Variants in EPB41 observed in about 807,000 individuals in gnomAD.
EPB41 encodes the protein protein 4.1.
A neutral mutation model predicts 108.0 loss-of-function variants in EPB41; 65 were observed. The ratio of observed to expected loss-of-function variants is 0.60; its 90% CI spans 0.49 to 0.74. The LOEUF (loss-of-function observed/expected upper bound fraction) is 0.74. EPB41 is among the 30% of genes least tolerant of loss of function. The pLI is 0.00. For missense variants in EPB41, 875 were observed against 1,037.0 expected (o/e 0.84, Z 2.15); for synonymous variants, 336 against 358.9 (o/e 0.94, Z 0.72).
intron 16 of EPB41, among the ~76,000 whole-genome samples, chr1:29,093,187 C>G (rs1338420502): frequency 6.6e-6 from 1 of 152,194 alleles, no homozygotes; most frequent in African/African-American, 2.4e-5. Flanking sequence ...TAAGCATTCC[C>G]TTTTCTCTGC....
At chr1:28,998,874 C>T (rs1282280502) in intron 4 of EPB41, among the ~76,000 whole-genome samples, 1 of 152,162 alleles carries the variant, frequency 6.6e-6, no homozygotes, top group African/African-American at 2.4e-5. Flanking sequence ...GATCATTTCA[C>T]ATTGTATTAA....
At chr1:29,006,385 C>T (rs2096402156) in intron 4 of EPB41, among the ~76,000 whole-genome samples, 3 of 151,750 alleles carry the variant, frequency 2.0e-5, no homozygotes, top group Admixed American at 6.6e-5. Flanking sequence ...TACAGGCGCC[C>T]GCCACCCAGC....
chr1:29,018,578 G>C lies in EPB41; in HGVS notation c.1124+136G>C. ...TCAGTTTCCTCCACTGTTTGACTTT[G>C]GGCAGGTTACTTAACCTCTCTTAAT... On this transcript the variant is annotated intron_variant, in intron 7 of 20. Transcript: ENST00000343067. The surrounding 1 kb of genome is among the most constrained non-coding windows in gnomAD (Gnocchi z 4.4). 1.1e-6 allele frequency: 1 copy of C among 913,080 alleles called. No individual in the cohort carries two copies. Among genetic ancestry groups the C allele is most frequent in the Non-Finnish European group, 1.8e-6 (1 of 568,098 alleles). The allele number at this position is 913,080 out of a possible 1,614,324, so 56.6% of individuals were successfully genotyped here. A position where few individuals can be genotyped will look rare whatever the true frequency, so the allele number is the denominator to read the frequency against.
chr1:28,915,038 C>T (rs1489801764), intron 1 of EPB41, among the ~76,000 whole-genome samples: 2 of 123,588 alleles, frequency 1.6e-5, no homozygotes, highest in Non-Finnish European at 3.5e-5. Flanking sequence ...GAAAGTTAGG[C>T]TTGAGATGTA....
rs1381653295 is a variant in EPB41 at position 29,063,496 on chromosome 1, ATTC to A, written c.2008-1480_2008-1478del. On this transcript the variant is annotated intron_variant, in intron 15 of 20. Coordinates refer to ENST00000343067, the MANE Select transcript of EPB41 (RefSeq NM_001376013.1). ...CAGAATCAAAATCGTCTCACTGATT[ATTC>A]TTCTTATGCTGTTTTCCCTTTGACA... 5.3e-5 allele frequency among the ~76,000 whole-genome samples: 8 copies of A among 152,348 alleles called. No individual in the cohort carries two copies. In the East Asian group the frequency reaches 1.2e-3, roughly 22 times the overall value.
intron 1 of EPB41, among the ~76,000 whole-genome samples, chr1:28,895,905 C>A (rs1054304170): frequency 1.3e-5 from 2 of 152,130 alleles, no homozygotes; most frequent in Non-Finnish European, 2.9e-5. Flanking sequence ...GAGCTACTGA[C>A]GTGTTTGTCG....
intron 12 of EPB41, among the ~76,000 whole-genome samples, chr1:29,054,988 A>G (rs1437010027): frequency 6.6e-6 from 1 of 152,248 alleles, no homozygotes; most frequent in Non-Finnish European, 1.5e-5. Context: ...CAGTGAGCCC[A>G]GATCACACCA....
rs369739885 is a variant in EPB41, at chr1:29,018,483, G to A, written c.1124+41G>A. The A allele has an allele frequency of 1.7e-5, 25 of 1,490,592 alleles. No homozygotes were observed. The highest frequency in any genetic ancestry group is 9.8e-5 in the African/African-American group (4 of 40,930). 92.3% of individuals were successfully genotyped at this position (1,490,592 alleles called of 1,614,324 possible). A position where few individuals can be genotyped will look rare whatever the true frequency, so the allele number is the denominator to read the frequency against. ...GGGTTTGTTCGGTGTTTGTTTTGGC[G>A]ATTAGTTTAAACACAACATGGTATT... On this transcript the variant is annotated intron_variant, in intron 7 of 20. Transcript: ENST00000343067. This position sits in a 1 kb window ranked among gnomAD's most constrained non-coding sequence, Gnocchi z 4.4.
At chr1:29,080,136 T>TTTATTTATTTA (rs1655910982) in intron 16 of EPB41, among the ~76,000 whole-genome samples, 1 of 75,876 alleles carries the variant, frequency 1.3e-5, no homozygotes, top group Admixed American at 1.7e-4. Context: ...TTATTTATTT[T>TTTATTTATTTA]GAGACGGACC....
In EPB41 at chr1:28,887,244, TC is replaced by T; in HGVS notation, c.-8+38del. 1 of 1,278,214 alleles carries T rather than the reference TC, an allele frequency of 7.8e-7. No individual in the cohort carries two copies. The highest frequency in any genetic ancestry group is 1.0e-6 in the Non-Finnish European group (1 of 984,000). The allele number at this position is 1,278,214 out of a possible 1,614,324, so 79.2% of individuals were successfully genotyped here. A position where few individuals can be genotyped will look rare whatever the true frequency, so the allele number is the denominator to read the frequency against. ...GGACCACCTGGGGGGCGACCCTCGG[TC>T]CCCGGGAGGGACGGGGTTAGGGACA... On this transcript the variant is annotated intron_variant, in intron 1 of 16. Coordinates refer to the EPB41 transcript ENST00000347529. The surrounding 1 kb of genome is among the most constrained non-coding windows in gnomAD (Gnocchi z 4.9).
At chr1:29,033,553 CA>C (rs1157129708) in intron 9 of EPB41, among the ~76,000 whole-genome samples, 1 of 152,188 alleles carries the variant, frequency 6.6e-6, no homozygotes, top group Non-Finnish European at 1.5e-5. Context: ...AATTGAGTAG[CA>C]TGAGATTTTA....
At chr1:28,934,144 C>A (rs560893655) in intron 1 of EPB41, among the ~76,000 whole-genome samples, 1 of 152,000 alleles carries the variant, frequency 6.6e-6, no homozygotes, top group African/African-American at 2.4e-5. Context: ...GGTTGTTGGT[C>A]AGATATTTGT....
chr1:28,909,698 G>T (rs1021888759), upstream of EPB41, among the ~76,000 whole-genome samples: 65 of 152,094 alleles, frequency 4.3e-4, no homozygotes, highest in Non-Finnish European at 8.1e-4. Flanking sequence ...TACTCAGGAG[G>T]CTGAGGAGGC....
chr1:28,949,867 G>T (rs1338466962), intron 1 of EPB41, among the ~76,000 whole-genome samples: 1 of 152,172 alleles, frequency 6.6e-6, no homozygotes, highest in African/African-American at 2.4e-5. Context: ...CTCCCAAAGT[G>T]CTGGGATTAC....
At chr1:29,029,569 G>C (rs1289679726) in intron 7 of EPB41, among the ~76,000 whole-genome samples, 1 of 152,158 alleles carries the variant, frequency 6.6e-6, no homozygotes, top group Non-Finnish European at 1.5e-5. Context: ...AGTTATACTT[G>C]ATTGGTCTGA....
chr1:28,888,272 T>C (rs1441162248), intron 1 of EPB41, among the ~76,000 whole-genome samples: 1 of 152,174 alleles, frequency 6.6e-6, no homozygotes. Context: ...GAGAGCTGCC[T>C]AGTGTCTCGT....
At position 29,033,204 on chromosome 1, in the gene EPB41, T is replaced by C. The variant is rs2096812388; in HGVS notation, c.1324T>C (p.Tyr442His). 6.2e-7 allele frequency: 1 copy of C among 1,613,990 alleles called. No individual in the cohort carries two copies. Among genetic ancestry groups the C allele is most frequent in the Non-Finnish European group, 8.5e-7 (1 of 1,179,918 alleles). Reference sequence around the variant, plus strand: ...TTGGCCCAAAGTGCTGAAGATTTCTTATAAACGTAGTAGCTTTTTCATCAA... The same window carrying C: ...TTGGCCCAAAGTGCTGAAGATTTCTCATAAACGTAGTAGCTTTTTCATCAA... ...FPWPKVLKIS[Y>H]KRSSFFIKIR... Residue 442 changes from tyrosine to histidine, a missense_variant, in exon 9 of 21, where the codon TAT becomes CAT. Coordinates refer to ENST00000343067, the MANE Select transcript of EPB41 (RefSeq NM_001376013.1).
At chr1:28,986,750 C>T (rs550967534) in intron 1 of EPB41, among the ~76,000 whole-genome samples, 1 of 151,240 alleles carries the variant, frequency 6.6e-6, no homozygotes, top group African/African-American at 2.4e-5. Context: ...GGCAATATAG[C>T]AAGACCCCAT....
At chr1:28,959,506 C>G (rs1486724670) in intron 1 of EPB41, among the ~76,000 whole-genome samples, 2 of 151,976 alleles carry the variant, frequency 1.3e-5, no homozygotes, top group East Asian at 3.9e-4. Context: ...CATGAGTCAC[C>G]GCACCCAGCC....
Sources: allele counts gnomAD v4.1 joint callset (sites outside exome capture counted in the v4.1 genomes callset), GRCh38; gene constraint gnomAD v4.1.1; non-coding constraint Gnocchi (gnomAD v3.1); transcripts MANE v1.5; gene names NCBI Gene and HGNC (gene_info 2026-07-23, HGNC 2026-07-21).